VPS54: variants seen among roughly 807,000 people sequenced by gnomAD.
VPS54 encodes VPS54 subunit of GARP complex.
VPS54 carries 45 observed loss-of-function variants against 121.5 expected under a neutral mutation model. That is an observed-to-expected ratio of 0.37 (90% CI 0.29 to 0.47). The LOEUF is 0.47. VPS54 is among the 20% of genes least tolerant of loss of function. The probability of loss-of-function intolerance (pLI) is 0.99; values close to 1 mark genes in which losing one functional copy is unlikely to be tolerated. For synonymous variants in VPS54, 371 were observed against 385.8 expected, an observed-to-expected ratio of 0.96 and a Z score of 0.45; for missense variants, 1,090 against 1,131.4, an observed-to-expected ratio of 0.96 and a Z score of 0.52.
intron 1 of VPS54, among the ~76,000 whole-genome samples, chr2:64,001,705 T>A (rs1185033682): frequency 6.6e-6 from 1 of 151,968 alleles, no homozygotes; most frequent in Non-Finnish European, 1.5e-5. Flanking sequence ...CAGTACCCTA[T>A]CCTACTGTGG....
chr2:63,934,484 C>T (rs1346605509), intron 11 of VPS54, among the ~76,000 whole-genome samples: 1 of 152,090 alleles, frequency 6.6e-6, no homozygotes, highest in East Asian at 1.9e-4. Flanking sequence ...CTACTCTTCC[C>T]TCATTCCAGG....
intron 12 of VPS54, among the ~76,000 whole-genome samples, chr2:63,933,083 T>C (rs1674288849): frequency 6.6e-6 from 1 of 152,158 alleles, no homozygotes; most frequent in Non-Finnish European, 1.5e-5. Flanking sequence ...GAGTGCAATG[T>C]GGTAAAGTAT....
intron 8 of VPS54, among the ~76,000 whole-genome samples, chr2:63,948,324 G>A (rs1329284506): frequency 6.7e-6 from 1 of 150,296 alleles, no homozygotes; most frequent in Non-Finnish European, 1.5e-5. Flanking sequence ...TTATGTATTT[G>A]TATATACATA....
At chr2:63,907,135 C>T (rs1672934664) in intron 20 of VPS54, among the ~76,000 whole-genome samples, 1 of 152,070 alleles carries the variant, frequency 6.6e-6, no homozygotes, top group Non-Finnish European at 1.5e-5. Context: ...TAAATATCAA[C>T]TAGAAATGAA....
At position 63,988,272 on chromosome 2, in the gene VPS54, G is replaced by GT. The variant is rs1203309730; in HGVS notation, c.-20-4254dup. ...ATGCTTTTTAAGAATCAATTGATAT[G>GT]TTTTTTCTCCTTCATTCTCTTGATA... On this transcript the variant is annotated intron_variant, in intron 1 of 22. Transcript: ENST00000272322. Among the ~76,000 whole-genome samples, 13 of 152,244 alleles carry GT rather than the reference G, an allele frequency of 8.5e-5. No individual in the cohort carries two copies. The East Asian group carries it at 2.1e-3, about 25-fold the overall frequency.
Position 63,937,820 on chromosome 2 carries a change from C to A in VPS54, c.1399-3807G>T, listed in dbSNP as rs78040871. On this transcript the variant is annotated intron_variant, in intron 11 of 22. Coordinates refer to ENST00000272322, the MANE Select transcript of VPS54 (RefSeq NM_016516.3). The stretch of plus-strand genomic sequence containing the variant: ...TGGAATATTATTCATATTACTCAGC[C>A]TTAAAAAGGAAGGAAATTCTAACAT... Among the ~76,000 whole-genome samples, 23 of 152,182 alleles carry A rather than the reference C, an allele frequency of 1.5e-4. 1 individual carries two copies. In the East Asian group the frequency reaches 4.4e-3, roughly 29 times the overall value.
chr2:64,016,084 T>C (rs904788483), intron 1 of VPS54, among the ~76,000 whole-genome samples: 11 of 152,218 alleles, frequency 7.2e-5, no homozygotes, highest in African/African-American at 2.4e-4. Flanking sequence ...TGTTTCCTCA[T>C]CTGGTTGCTG....
chr2:64,014,034 T>C (rs1678569692), intron 1 of VPS54, among the ~76,000 whole-genome samples: 1 of 148,332 alleles, frequency 6.7e-6, no homozygotes, highest in South Asian at 2.1e-4. Context: ...CCACTTAAAA[T>C]ACAAAAATTT....
chr2:63,974,928 CATTA>C, intron 3 of VPS54: 2 of 1,468,488 alleles, frequency 1.4e-6, no homozygotes, highest in South Asian at 2.9e-5. Context: ...TTTCTTATTA[CATTA>C]GTTAGGACTT....
intron 17 of VPS54, among the ~76,000 whole-genome samples, chr2:63,913,670 C>A (rs1473182302): frequency 6.6e-6 from 1 of 152,036 alleles, no homozygotes; most frequent in Non-Finnish European, 1.5e-5. Context: ...CAAGTCAGAA[C>A]ATAATTAACA....
intron 1 of VPS54, among the ~76,000 whole-genome samples, chr2:64,005,636 T>G (rs913235658): frequency 6.6e-6 from 1 of 152,208 alleles, no homozygotes. Context: ...GTTTTTCAAC[T>G]TTGACACTAC....
At chr2:63,982,019 T>A in intron 2 of VPS54, 132 bp from the exon 3 acceptor site, 1 of 985,208 alleles carries the variant, frequency 1.0e-6, no homozygotes, top group Non-Finnish European at 1.4e-6. Context: ...AGTAAATGAT[T>A]TAATAAAAAT....
chr2:63,913,672 T>C (rs1558986988), intron 17 of VPS54, among the ~76,000 whole-genome samples: 1 of 152,170 alleles, frequency 6.6e-6, no homozygotes, highest in South Asian at 2.1e-4. Flanking sequence ...AGTCAGAACA[T>C]AATTAACAGA....
At chr2:63,989,849 G>A (rs1387161557) in intron 1 of VPS54, among the ~76,000 whole-genome samples, 1 of 152,170 alleles carries the variant, frequency 6.6e-6, no homozygotes, top group African/African-American at 2.4e-5. Flanking sequence ...TCCTAAAAAA[G>A]CAACCTTAGA....
intron 3 of VPS54, chr2:63,974,868 C>A: frequency 8.8e-7 from 1 of 1,141,390 alleles, no homozygotes; most frequent in Non-Finnish European, 1.2e-6. Context: ...ACGATCATTT[C>A]ATCTGGAAAC....
intron 3 of VPS54, among the ~76,000 whole-genome samples, chr2:63,978,839 C>T (rs540248096): frequency 1.2e-3 from 178 of 152,130 alleles, no homozygotes; most frequent in African/African-American, 4.1e-3. Context: ...AGGCTGGTCT[C>T]GAACTCTTGA....
chr2:63,903,964 A>C (rs977030684), intron 20 of VPS54, among the ~76,000 whole-genome samples: 1 of 152,178 alleles, frequency 6.6e-6, no homozygotes, highest in Admixed American at 6.6e-5. Context: ...AGACTAAGGG[A>C]AAAAAGCAAG....
Position 64,014,823 on chromosome 2 carries a change from G to A in VPS54, c.-21+4115C>T, listed in dbSNP as rs1358123876. Reference sequence around the variant, plus strand: ...TTATAGATGAGAAAACTGAGGCTCAGAAAGAATAACTTGAGTAACTTATCC... The same window carrying A: ...TTATAGATGAGAAAACTGAGGCTCAAAAAGAATAACTTGAGTAACTTATCC... On this transcript the variant is annotated intron_variant, in intron 1 of 22. Coordinates refer to ENST00000272322, the MANE Select transcript of VPS54 (RefSeq NM_016516.3). Among the ~76,000 whole-genome samples the A allele has an allele frequency of 6.6e-5, 10 of 152,222 alleles. No individual in the cohort carries two copies. The East Asian group carries it at 1.9e-3, about 29-fold the overall frequency.
chr2:63,937,073 A>G (rs1053881672), intron 11 of VPS54, among the ~76,000 whole-genome samples: 2 of 152,186 alleles, frequency 1.3e-5, no homozygotes, highest in African/African-American at 4.8e-5. Context: ...AAAAAGCTTC[A>G]GGACACTGGA....
Sources: allele counts gnomAD v4.1 joint callset (sites outside exome capture counted in the v4.1 genomes callset), GRCh38; gene constraint gnomAD v4.1.1; transcripts MANE v1.5; gene names NCBI Gene and HGNC (gene_info 2026-07-23, HGNC 2026-07-21).